The following MEIS2 variants were observed in gnomAD, a reference collection of about 807,000 sequenced individuals.
MEIS2 encodes homeobox protein Meis2.
MEIS2 carries 9 observed loss-of-function variants against 58.6 expected under a neutral mutation model. The observed-to-expected ratio is 0.15, with a 90% confidence interval of 0.09 to 0.27. The LOEUF (loss-of-function observed/expected upper bound fraction) is 0.27. Among genes scored for constraint, MEIS2 ranks in the 10% least tolerant of loss-of-function variants. The pLI is 1.00. For missense variants in MEIS2, 427 were observed against 635.0 expected (o/e 0.67, Z 3.52); for synonymous variants, 221 against 228.4 (o/e 0.97, Z 0.29).
Position 37,048,618 on chromosome 15 carries a change from T to C in MEIS2, c.755-11659A>G, listed in dbSNP as rs114331032. Reference sequence around the variant, plus strand: ...ATATTTCTTCCACTTTGCCAACTATTGTAAAATGAAAACAAAAGAATATTT... The same window carrying C: ...ATATTTCTTCCACTTTGCCAACTATCGTAAAATGAAAACAAAAGAATATTT... On this transcript the variant is annotated intron_variant, in intron 7 of 11. Transcript: ENST00000561208. 6.5e-3 allele frequency among the ~76,000 whole-genome samples: 995 copies of C among 152,182 alleles called. 3 individuals are homozygous for C. Among genetic ancestry groups the C allele is most frequent in the Non-Finnish European group, 0.011 (751 of 67,972 alleles).
At chr15:37,041,338 G>T (rs1052524619) in intron 7 of MEIS2, among the ~76,000 whole-genome samples, 22 of 152,178 alleles carry the variant, frequency 1.4e-4, no homozygotes, top group African/African-American at 5.1e-4. Flanking sequence ...AAAGCACAGA[G>T]AACATCCCCT....
chr15:37,094,208 G>A (rs550245466), intron 5 of MEIS2, among the ~76,000 whole-genome samples: 1 of 152,304 alleles, frequency 6.6e-6, no homozygotes, highest in Admixed American at 6.5e-5. Context: ...CAAACCCAGG[G>A]CCGAGGGTGA....
chr15:36,935,888 C>G (rs1462248125), intron 9 of MEIS2, among the ~76,000 whole-genome samples: 1 of 151,856 alleles, frequency 6.6e-6, no homozygotes, highest in Admixed American at 6.6e-5. Context: ...CAATATTTAG[C>G]TCAGTTAAGA....
intron 8 of MEIS2, among the ~76,000 whole-genome samples, chr15:36,991,958 T>C (rs1004079427): frequency 1.3e-5 from 2 of 150,262 alleles, no homozygotes; most frequent in Non-Finnish European, 3.0e-5. Flanking sequence ...CGGCTAATTT[T>C]TTGTATTTTT....
chr15:36,995,827 G>A (rs1443037571), intron 8 of MEIS2, among the ~76,000 whole-genome samples: 1 of 146,662 alleles, frequency 6.8e-6, no homozygotes, highest in African/African-American at 2.5e-5. Context: ...AGGAACTATT[G>A]CGGTAAGTGA....
intron 7 of MEIS2, among the ~76,000 whole-genome samples, chr15:37,048,359 T>C (rs539556699): frequency 9.2e-5 from 14 of 152,240 alleles, no homozygotes; most frequent in Non-Finnish European, 1.9e-4. Context: ...ATAAAATTTG[T>C]TGGAAGAAAT....
intron 9 of MEIS2, among the ~76,000 whole-genome samples, chr15:36,907,280 A>G (rs1385486184): frequency 6.6e-6 from 1 of 152,088 alleles, no homozygotes; most frequent in African/African-American, 2.4e-5. Flanking sequence ...TTCAAACCAT[A>G]TTTTTCTTTT....
chr15:36,901,333 A>C (rs1156701104), intron 9 of MEIS2, among the ~76,000 whole-genome samples: 1 of 152,216 alleles, frequency 6.6e-6, no homozygotes, highest in African/African-American at 2.4e-5. Flanking sequence ...AAAAGCAAGT[A>C]TTTCTCTGTG....
At chr15:37,008,436 C>CA (rs2061002334) in intron 8 of MEIS2, among the ~76,000 whole-genome samples, 1 of 152,140 alleles carries the variant, frequency 6.6e-6, no homozygotes, top group African/African-American at 2.4e-5. Flanking sequence ...AGATAAAACA[C>CA]AAAATGAAGT....
chr15:36,987,691 G>C (rs753144341), intron 8 of MEIS2, among the ~76,000 whole-genome samples: 5 of 151,910 alleles, frequency 3.3e-5, no homozygotes, highest in Non-Finnish European at 5.9e-5. Context: ...CAAAGAAAAG[G>C]CATGTCAGCT....
intron 7 of MEIS2, among the ~76,000 whole-genome samples, chr15:37,077,558 T>C (rs907151359): frequency 6.6e-6 from 1 of 152,068 alleles, no homozygotes; most frequent in Non-Finnish European, 1.5e-5. Flanking sequence ...CATGTCAATA[T>C]GAATATTAGA....
At chr15:37,052,288 T>C (rs762279239) in intron 7 of MEIS2, among the ~76,000 whole-genome samples, 1 of 152,222 alleles carries the variant, frequency 6.6e-6, no homozygotes, top group Non-Finnish European at 1.5e-5. Context: ...GTGGACTGTC[T>C]ACTACATGCC....
intron 8 of MEIS2, among the ~76,000 whole-genome samples, chr15:36,986,670 C>T (rs1232873817): frequency 6.6e-6 from 1 of 152,184 alleles, no homozygotes; most frequent in Non-Finnish European, 1.5e-5. Context: ...AGGACCGAGT[C>T]CCAACTCCAC....
At chr15:37,012,259 T>C (rs1304866873) in intron 8 of MEIS2, among the ~76,000 whole-genome samples, 1 of 152,230 alleles carries the variant, frequency 6.6e-6, no homozygotes, top group Non-Finnish European at 1.5e-5. Context: ...CAAGATTTTA[T>C]AGAGGCTGGA....
At chr15:36,911,270 C>T (rs998521785) in intron 9 of MEIS2, among the ~76,000 whole-genome samples, 93 of 149,972 alleles carry the variant, frequency 6.2e-4, no homozygotes, top group South Asian at 1.3e-3. Flanking sequence ...TTAAGAATAA[C>T]GTGTGTGTGT....
At chr15:36,987,202 G>A (rs943446388) in intron 8 of MEIS2, among the ~76,000 whole-genome samples, 1 of 151,958 alleles carries the variant, frequency 6.6e-6, no homozygotes, top group Non-Finnish European at 1.5e-5. Flanking sequence ...AAATCCAGGA[G>A]TTTGAGATGA....
intron 8 of MEIS2, among the ~76,000 whole-genome samples, chr15:36,991,436 C>A (rs2060268534): frequency 6.9e-6 from 1 of 144,132 alleles, no homozygotes; most frequent in African/African-American, 2.6e-5. Context: ...CCCATTTTCA[C>A]TAATTCTGTC....
chr15:36,964,325 T>C (rs2059287742), intron 8 of MEIS2, among the ~76,000 whole-genome samples: 1 of 152,196 alleles, frequency 6.6e-6, no homozygotes, highest in African/African-American at 2.4e-5. Context: ...GCTCAATAAG[T>C]ATTTTGTAAG....
chr15:37,030,444 C>A (rs2061870696), intron 8 of MEIS2, among the ~76,000 whole-genome samples: 3 of 151,998 alleles, frequency 2.0e-5, no homozygotes, highest in Admixed American at 2.0e-4. Context: ...TCAAGCAATT[C>A]TTGTGCCTCA....
Sources: gnomAD v4.1 joint callset for allele counts (sites outside exome capture counted in the v4.1 genomes callset) on GRCh38, gnomAD v4.1.1 for gene constraint, MANE v1.5 for transcripts, NCBI Gene and HGNC (gene_info 2026-07-23, HGNC 2026-07-21) for gene names.